The following MICAL2 variants were observed in gnomAD, a reference collection of about 807,000 sequenced individuals.
The protein encoded by MICAL2 is [F-actin]-monooxygenase MICAL2.
Under a neutral mutation model 127.3 loss-of-function variants are expected in MICAL2, and 77 were observed. The observed-to-expected ratio is 0.60, with a 90% CI of 0.50 to 0.73. MICAL2 has a LOEUF of 0.73. Ranked by LOEUF, MICAL2 falls within the 30% of genes least tolerant of loss-of-function variation. The pLI is 0.00. For missense variants in MICAL2, 1,351 were observed against 1,434.4 expected (o/e 0.94, Z 0.94); for synonymous variants, 570 against 551.1 (o/e 1.03, Z -0.48).
downstream of MICAL2, among the ~76,000 whole-genome samples, chr11:12,295,540 C>T (rs893552983): frequency 3.0e-4 from 44 of 145,226 alleles, 1 homozygote; most frequent in Non-Finnish European, 1.5e-5. Context: ...TAGCCTCAAA[C>T]TCCTGGACTG....
chr11:12,260,880 G>A, intron 26 of MICAL2: 1 of 985,412 alleles, frequency 1.0e-6, no homozygotes, highest in East Asian at 1.1e-4. Context: ...AGAACCGTGG[G>A]GTTTCAACAG....
chr11:12,141,158 T>A (rs145004408), intron 2 of MICAL2, among the ~76,000 whole-genome samples: 4 of 152,332 alleles, frequency 2.6e-5, no homozygotes, highest in African/African-American at 9.6e-5. Flanking sequence ...CCAGCTGGCC[T>A]TGTTAGACTC....
intron 26 of MICAL2, chr11:12,261,771 C>A: frequency 3.0e-6 from 3 of 985,460 alleles, no homozygotes; most frequent in Non-Finnish European, 3.6e-6. Context: ...TCTGTGGGAA[C>A]TGGCGCCTCT....
At chr11:12,269,790 C>T (rs7947459) in intron 24 of MICAL2, among the ~76,000 whole-genome samples, 163 of 152,350 alleles carry the variant, frequency 1.1e-3, no homozygotes, top group African/African-American at 3.6e-3. Flanking sequence ...CCTTGAATGA[C>T]GCCTGGCTTG....
intron 3 of MICAL2, among the ~76,000 whole-genome samples, chr11:12,164,933 G>T (rs907419692): frequency 2.6e-5 from 4 of 152,056 alleles, no homozygotes; most frequent in Non-Finnish European, 4.4e-5. Flanking sequence ...TCAGGAGTTC[G>T]AGATCAGCCT....
intron 2 of MICAL2, among the ~76,000 whole-genome samples, chr11:12,150,494 T>C (rs751289695): frequency 6.6e-6 from 1 of 151,830 alleles, no homozygotes; most frequent in Non-Finnish European, 1.5e-5. Flanking sequence ...ACAGACTCCA[T>C]CAGATATAGC....
In MICAL2 at chr11:12,168,145, TACACACAC is replaced by T. The variant is rs3044619; in HGVS notation, c.264+5743_264+5750del. On this transcript the variant is annotated intron_variant, in intron 3 of 27. Transcript: ENST00000683283. ...AGTGAGACCTGGTCTCTACAGCAAA[TACACACAC>T]ACACACACACACACACTTATGCACA... is the stretch of plus-strand genomic sequence containing the variant. Among the ~76,000 whole-genome samples the T allele has an allele frequency of 4.1e-5, 6 of 146,158 alleles. No individual in the cohort carries two copies. The South Asian group carries it at 1.3e-3, about 32-fold the overall frequency.
At chr11:12,313,654 TATCA>T (rs1325582890) in intron 29 of MICAL2, among the ~76,000 whole-genome samples, 2 of 152,220 alleles carry the variant, frequency 1.3e-5, no homozygotes, top group Non-Finnish European at 2.9e-5. Flanking sequence ...TATATTTGCT[TATCA>T]ATTAGGTCAA....
chr11:12,303,977 C>T (rs1183748894), intron 29 of MICAL2, among the ~76,000 whole-genome samples: 2 of 152,122 alleles, frequency 1.3e-5, no homozygotes, highest in African/African-American at 4.8e-5. Context: ...GTTCAGTGAG[C>T]CACGATTGCA....
chr11:12,222,832 C>A, intron 11 of MICAL2, 89 bp downstream of exon 11: 2 of 1,537,022 alleles, frequency 1.3e-6, no homozygotes, highest in South Asian at 2.4e-5. Context: ...AAATTTTGGT[C>A]CATTCCTGGG....
At chr11:12,359,169 C>G (rs891035965), downstream of MICAL2, 1 of 152,484 alleles carries the variant, frequency 6.6e-6, no homozygotes, top group Admixed American at 6.5e-5. Context: ...GGAAATAAAA[C>G]TTTAACTTTA....
chr11:12,240,650 C>T (rs567222131), intron 17 of MICAL2, among the ~76,000 whole-genome samples: 53 of 152,352 alleles, frequency 3.5e-4, no homozygotes, highest in African/African-American at 1.2e-3. Context: ...AGCACCGGAG[C>T]GTCCCTGTCC....
chr11:12,265,829 A>C (rs1590714299), downstream of MICAL2, among the ~76,000 whole-genome samples: 3 of 152,328 alleles, frequency 2.0e-5, no homozygotes. Context: ...ATTATGGTGC[A>C]CATGGGCCAG....
At chr11:12,245,235 A>G (rs1384490062) in intron 21 of MICAL2, among the ~76,000 whole-genome samples, 1 of 152,050 alleles carries the variant, frequency 6.6e-6, no homozygotes, top group African/African-American at 2.4e-5. Flanking sequence ...CCACCCACCA[A>G]CTGTGCTTCT....
intron 26 of MICAL2, chr11:12,261,697 G>C: frequency 1.0e-6 from 1 of 985,440 alleles, no homozygotes; most frequent in Non-Finnish European, 1.2e-6. Flanking sequence ...GGAAGAAGGA[G>C]GTGCATTTCT....
chr11:12,251,632 G>A (rs954490937), intron 22 of MICAL2, among the ~76,000 whole-genome samples: 2 of 150,020 alleles, frequency 1.3e-5, no homozygotes, highest in African/African-American at 4.9e-5. Context: ...GGGTGGATGT[G>A]TGGGTGCCAC....
chr11:12,275,603 G>A (rs1337373524), upstream of MICAL2, among the ~76,000 whole-genome samples: 3 of 152,198 alleles, frequency 2.0e-5, no homozygotes, highest in Non-Finnish European at 2.9e-5. Flanking sequence ...GTCAAATGCT[G>A]CTGGTGTGTA....
intron 15 of MICAL2, among the ~76,000 whole-genome samples, chr11:12,229,965 T>G (rs1035062610): frequency 1.1e-4 from 16 of 152,164 alleles, no homozygotes; most frequent in African/African-American, 3.4e-4. Flanking sequence ...GGCCATTGAG[T>G]TAAGTGCCTG....
At chr11:12,288,336 A>G (rs1863853205), downstream of MICAL2, among the ~76,000 whole-genome samples, 1 of 152,252 alleles carries the variant, frequency 6.6e-6, no homozygotes, top group African/African-American at 2.4e-5. Flanking sequence ...TGTAGGGTCC[A>G]TCCCAAGGCT....
Sources: gnomAD v4.1 joint callset for allele counts (sites outside exome capture counted in the v4.1 genomes callset) on GRCh38, gnomAD v4.1.1 for gene constraint, MANE v1.5 for transcripts, NCBI Gene and HGNC (gene_info 2026-07-23, HGNC 2026-07-21) for gene names.